The following ADAM22 variants were observed in gnomAD, a reference collection of about 807,000 sequenced individuals.
The protein encoded by ADAM22 is ADAM metallopeptidase domain 22, also known as disintegrin and metalloproteinase domain-containing protein 22.
ADAM22 carries 65 observed loss-of-function variants against 144.6 expected under a neutral mutation model. The ratio of observed to expected loss-of-function variants is 0.45; its 90% CI spans 0.37 to 0.55. The LOEUF is 0.55. Among genes scored for constraint, ADAM22 ranks in the 20% least tolerant of loss-of-function variants. The pLI is 0.00. For missense variants in ADAM22, 974 were observed against 1,184.9 expected (o/e 0.82, Z 2.61); for synonymous variants, 391 against 412.6 (o/e 0.95, Z 0.63).
At chr7:88,180,552 T>G (rs962477421) in intron 27 of ADAM22, among the ~76,000 whole-genome samples, 5 of 152,080 alleles carry the variant, frequency 3.3e-5, no homozygotes, top group African/African-American at 1.2e-4. Flanking sequence ...TCTATTATTA[T>G]TCCATTAACC....
At chr7:88,152,254 A>G (rs1450969255) in intron 20 of ADAM22, among the ~76,000 whole-genome samples, 3 of 152,178 alleles carry the variant, frequency 2.0e-5, no homozygotes, top group Non-Finnish European at 4.4e-5. Context: ...CGACATAACT[A>G]TTGTTTTTTT....
At chr7:88,148,100 A>G (rs1478861854) in intron 17 of ADAM22, among the ~76,000 whole-genome samples, 1 of 152,186 alleles carries the variant, frequency 6.6e-6, no homozygotes, top group South Asian at 2.1e-4. Context: ...TGTTCTAGGA[A>G]CAGCAGGAGA....
chr7:88,156,862 A>T (rs1247883580), intron 22 of ADAM22, among the ~76,000 whole-genome samples: 1 of 152,068 alleles, frequency 6.6e-6, no homozygotes, highest in Non-Finnish European at 1.5e-5. Flanking sequence ...TTGGTCTCCT[A>T]ATTCAAATAT....
intron 3 of ADAM22, among the ~76,000 whole-genome samples, chr7:88,054,204 G>A (rs1369911319): frequency 1.3e-5 from 2 of 152,138 alleles, no homozygotes; most frequent in East Asian, 1.9e-4. Flanking sequence ...ACACATATAG[G>A]ATTATATCTA....
intron 3 of ADAM22, among the ~76,000 whole-genome samples, chr7:88,036,905 A>G (rs533698007): frequency 1.9e-4 from 29 of 152,154 alleles, no homozygotes; most frequent in Non-Finnish European, 3.2e-4. Context: ...ATGAGAATAT[A>G]TATATATTTT....
At chr7:87,940,005 C>G (rs1276506864) in intron 2 of ADAM22, among the ~76,000 whole-genome samples, 1 of 151,640 alleles carries the variant, frequency 6.6e-6, no homozygotes, top group African/African-American at 2.4e-5. Context: ...CCAGCCTGAC[C>G]AATATGGTGA....
intron 5 of ADAM22, among the ~76,000 whole-genome samples, chr7:88,113,703 A>AATAAATATATATATATATATATAT (rs1554478726): frequency 4.2e-5 from 2 of 48,108 alleles, no homozygotes; most frequent in Admixed American, 2.8e-4. Flanking sequence ...TAAATAAATA[A>AATAAATATATATATATATATATAT]ATATATATAT....
chr7:87,999,018 C>T (rs2129455470), intron 3 of ADAM22, among the ~76,000 whole-genome samples: 1 of 152,218 alleles, frequency 6.6e-6, no homozygotes, highest in African/African-American at 2.4e-5. Flanking sequence ...ACACATCTGG[C>T]CCCGGGGTTG....
intron 2 of ADAM22, among the ~76,000 whole-genome samples, chr7:87,953,972 T>A (rs927790831): frequency 1.4e-4 from 22 of 152,124 alleles, no homozygotes; most frequent in Non-Finnish European, 2.9e-4. Flanking sequence ...AACCCCTGCC[T>A]TTTTTTGTTT....
chr7:88,153,145 A>T, intron 20 of ADAM22, 76 bp from the exon 21 acceptor site: 2 of 974,844 alleles, frequency 2.1e-6, no homozygotes, highest in Non-Finnish European at 3.1e-6. Flanking sequence ...TTATATTACA[A>T]TTTTTCTTTT....
At chr7:87,959,709 A>G (rs926293148) in intron 2 of ADAM22, among the ~76,000 whole-genome samples, 1 of 152,238 alleles carries the variant, frequency 6.6e-6, no homozygotes, top group Non-Finnish European at 1.5e-5. Context: ...AGGGCTTCTA[A>G]AATTTTATAG....
chr7:88,011,837 A>T (rs1247641613), intron 3 of ADAM22, among the ~76,000 whole-genome samples: 2 of 144,930 alleles, frequency 1.4e-5, no homozygotes, highest in African/African-American at 5.2e-5. Flanking sequence ...ATATTTTGGT[A>T]TTTATTCTGT....
chr7:87,945,925 G>A (rs186402466), intron 2 of ADAM22, among the ~76,000 whole-genome samples: 4 of 152,282 alleles, frequency 2.6e-5, no homozygotes, highest in Admixed American at 2.6e-4. Context: ...GGATTGAATG[G>A]TAGTTCTGTT....
intron 3 of ADAM22, among the ~76,000 whole-genome samples, chr7:87,983,769 G>A (rs1854288908): frequency 6.6e-6 from 1 of 151,808 alleles, no homozygotes; most frequent in African/African-American, 2.4e-5. Context: ...GTTGATTATT[G>A]ATTTGTGAGA....
rs559735931 is a variant in ADAM22, at chr7:88,155,539, A to G, written c.1788-348A>G. ...CCTGACTCTAAGAAAAAAAAAAAAA[A>G]AAGAAGAAGAAGAAGAAATAGATTA... On this transcript the variant is annotated intron_variant, in intron 21 of 31. Transcript: ENST00000413139. Among the ~76,000 whole-genome samples, 346 of 150,878 alleles carry G rather than the reference A, an allele frequency of 2.3e-3. 3 individuals carry two copies. Among genetic ancestry groups the G allele is most frequent in the African/African-American group, 7.8e-3 (324 of 41,362 alleles).
chr7:88,067,231 T>G (rs1811477849), intron 3 of ADAM22, among the ~76,000 whole-genome samples: 1 of 151,610 alleles, frequency 6.6e-6, no homozygotes, highest in East Asian at 1.9e-4. Context: ...GTGTGTTCCC[T>G]GGTACCTTGG....
intron 24 of ADAM22, among the ~76,000 whole-genome samples, chr7:88,167,936 A>T (rs193226317): frequency 2.8e-4 from 42 of 152,342 alleles, no homozygotes; most frequent in Non-Finnish European, 5.9e-5. Context: ...GACAAGAATT[A>T]AAAAGGACAT....
chr7:88,182,636 C>T (rs1847366003), intron 29 of ADAM22, among the ~76,000 whole-genome samples: 1 of 150,960 alleles, frequency 6.6e-6, no homozygotes, highest in Non-Finnish European at 1.5e-5. Context: ...CATGCATTTA[C>T]TTTTTTTTTA....
chr7:88,011,492 A>T (rs1183620717), intron 3 of ADAM22, among the ~76,000 whole-genome samples: 1 of 151,514 alleles, frequency 6.6e-6, no homozygotes, highest in African/African-American at 2.4e-5. Context: ...GTGAGCCGAG[A>T]TCGCACCACT....
Sources: allele counts gnomAD v4.1 joint callset (sites outside exome capture counted in the v4.1 genomes callset), GRCh38; gene constraint gnomAD v4.1.1; transcripts MANE v1.5; gene names NCBI Gene and HGNC (gene_info 2026-07-23, HGNC 2026-07-21).